BANK1: variants seen among roughly 807,000 people sequenced by gnomAD.
The protein encoded by BANK1 is B cell scaffold protein with ankyrin repeats 1.
In BANK1, 95 loss-of-function variants were observed where a neutral mutation model predicts 94.5. That is an observed-to-expected ratio of 1.00 (90% CI 0.85 to 1.19). The LOEUF (loss-of-function observed/expected upper bound fraction) is 1.19, where lower values mean the gene tolerates loss of function less well. Ranked by LOEUF, BANK1 falls within the 50% of genes most tolerant of loss-of-function variation. The probability of loss-of-function intolerance (pLI) is 0.00; values close to 1 mark genes in which losing one functional copy is unlikely to be tolerated. For synonymous variants in BANK1, 334 were observed against 308.4 expected (o/e 1.08, Z -0.87); for missense variants, 987 against 932.2 (o/e 1.06, Z -0.77).
intron 5 of BANK1, among the ~76,000 whole-genome samples, chr4:101,886,761 TG>T (rs11452529): frequency 0.46 from 62,524 of 134,908 alleles, 14,103 homozygotes; most frequent in African/African-American, 0.56. Context: ...AACAATATAT[TG>T]GGGGGGGGGG....
At chr4:101,974,848 T>G (rs988104279) in intron 7 of BANK1, among the ~76,000 whole-genome samples, 7 of 151,622 alleles carry the variant, frequency 4.6e-5, no homozygotes, top group African/African-American at 1.5e-4. Context: ...TCCCAGCTAC[T>G]CGGGAGGCTG....
At chr4:101,940,816 C>T (rs372233942) in intron 7 of BANK1, among the ~76,000 whole-genome samples, 9 of 151,850 alleles carry the variant, frequency 5.9e-5, no homozygotes, top group Admixed American at 1.3e-4. Flanking sequence ...GGATGTTTCC[C>T]TCGATCACCT....
chr4:101,866,033 T>C (rs1261259831), intron 4 of BANK1, among the ~76,000 whole-genome samples: 1 of 152,034 alleles, frequency 6.6e-6, no homozygotes, highest in East Asian at 1.9e-4. Context: ...TTGCAAGGCA[T>C]TCCTAAAGAC....
At chr4:101,960,634 T>C (rs1724533359) in intron 7 of BANK1, among the ~76,000 whole-genome samples, 1 of 152,096 alleles carries the variant, frequency 6.6e-6, no homozygotes, top group Non-Finnish European at 1.5e-5. Flanking sequence ...AACATGGAGA[T>C]GGTTAGTGGC....
At chr4:101,836,341 A>G (rs1052202519) in intron 2 of BANK1, among the ~76,000 whole-genome samples, 3 of 152,064 alleles carry the variant, frequency 2.0e-5, no homozygotes, top group East Asian at 3.9e-4. Context: ...TTAGCTGGGC[A>G]TGGTGGTGCA....
Position 101,876,955 on chromosome 4 carries a change from A to T in BANK1, c.903+6311A>T, listed in dbSNP as rs191645257. On this transcript the variant is annotated intron_variant, in intron 5 of 16. Transcript: ENST00000322953. Reference sequence around the variant, plus strand: ...AATAGCAGAATTGGTCATGCAGAAGAAAGAACTAGTGAGCTTGAAGACAGG... The same window carrying T: ...AATAGCAGAATTGGTCATGCAGAAGTAAGAACTAGTGAGCTTGAAGACAGG... Among the ~76,000 whole-genome samples the T allele has an allele frequency of 6.5e-3, 991 of 152,212 alleles. 11 individuals are homozygous for T. Among genetic ancestry groups the T allele is most frequent in the African/African-American group, 0.023 (953 of 41,534 alleles).
chr4:102,045,707 A>G (rs1278162050), intron 11 of BANK1, among the ~76,000 whole-genome samples: 2 of 151,642 alleles, frequency 1.3e-5, no homozygotes, highest in Non-Finnish European at 2.9e-5. Flanking sequence ...TTCAAAGAGA[A>G]TAAAATACCT....
At chr4:101,997,357 C>T (rs1303406354) in intron 7 of BANK1, among the ~76,000 whole-genome samples, 1 of 152,034 alleles carries the variant, frequency 6.6e-6, no homozygotes, top group African/African-American at 2.4e-5. Context: ...AATTATTGCA[C>T]TGATGTTCAT....
At chr4:101,804,879 T>C (rs977460864) in intron 1 of BANK1, among the ~76,000 whole-genome samples, 12 of 152,206 alleles carry the variant, frequency 7.9e-5, no homozygotes, top group African/African-American at 2.9e-4. Flanking sequence ...TTTCAACTGC[T>C]CAGGGGTCAT....
At chr4:101,873,440 C>G (rs1728371271) in intron 5 of BANK1, among the ~76,000 whole-genome samples, 1 of 152,022 alleles carries the variant, frequency 6.6e-6, no homozygotes, top group South Asian at 2.1e-4. Context: ...GAAAGAATTA[C>G]TAATGAGAAA....
At chr4:102,023,790 C>T (rs1726990390) in intron 8 of BANK1, among the ~76,000 whole-genome samples, 2 of 152,168 alleles carry the variant, frequency 1.3e-5, no homozygotes, top group Admixed American at 1.3e-4. Flanking sequence ...TTTCCTATAG[C>T]GTGAATGTAA....
intron 7 of BANK1, among the ~76,000 whole-genome samples, chr4:101,944,765 AAATATTGGACAATGTGCTG>A (rs1645557901): frequency 6.6e-6 from 1 of 151,948 alleles, no homozygotes; most frequent in South Asian, 2.1e-4. Flanking sequence ...CAGCCTTTTT[AAATATTGGACAATGTGCTG>A]AAGAGCTGAA....
At chr4:102,008,445 T>G (rs1343200841) in intron 7 of BANK1, among the ~76,000 whole-genome samples, 1 of 152,252 alleles carries the variant, frequency 6.6e-6, no homozygotes, top group East Asian at 1.9e-4. Context: ...TGCTGCTAGC[T>G]GCATAGCACA....
rs181557619 is a variant in BANK1 at position 101,975,532 on chromosome 4, C to T, written c.1207-45982C>T. Among the ~76,000 whole-genome samples, 4 of 152,234 alleles carry T rather than the reference C, an allele frequency of 2.6e-5. No individual in the cohort carries two copies. In the East Asian group the frequency reaches 5.8e-4, roughly 22 times the overall value. On this transcript the variant is annotated intron_variant, in intron 7 of 16. Transcript: ENST00000322953. ...GCTCTGCCTCTTTCTAGTTATTTGT[C>T]CAGAGACAGTTCTCTCTGTGTCTGT... is the stretch of plus-strand genomic sequence containing the variant.
In BANK1 at chr4:101,918,110, A is replaced by G. The variant is rs1722886357; in HGVS notation, c.1127A>G (p.Asn376Ser). The change falls in exon 7 of 17, where the codon AAT (asparagine) becomes AGT (serine). Residue 376 changes from asparagine to serine, a missense_variant. Transcript: ENST00000322953. ...SGATWASKMKNMEGSDPAHIA... is the reference protein window; with the variant it reads ...SGATWASKMKSMEGSDPAHIA... Reference sequence around the variant, plus strand: ...GCAACCTGGGCATCTAAGATGAAAAATATGGAGGGTTCAGACCCCGCACAT... The same window carrying G: ...GCAACCTGGGCATCTAAGATGAAAAGTATGGAGGGTTCAGACCCCGCACAT... 1 of 1,612,404 alleles carries G rather than the reference A, an allele frequency of 6.2e-7. No individual in the cohort carries two copies.
At chr4:101,995,010 G>T (rs1725829480) in intron 7 of BANK1, among the ~76,000 whole-genome samples, 1 of 151,962 alleles carries the variant, frequency 6.6e-6, no homozygotes, top group South Asian at 2.1e-4. Flanking sequence ...CCAGTTTGTT[G>T]CATAGGTATA....
chr4:101,835,777 C>G (rs1726800591), intron 2 of BANK1, among the ~76,000 whole-genome samples: 1 of 152,148 alleles, frequency 6.6e-6, no homozygotes, highest in Admixed American at 6.5e-5. Context: ...CATGGTCTTT[C>G]AGCTCTTTGA....
intron 1 of BANK1, among the ~76,000 whole-genome samples, chr4:101,817,839 T>C (rs1369997736): frequency 6.6e-6 from 1 of 152,056 alleles, no homozygotes; most frequent in African/African-American, 2.4e-5. Flanking sequence ...GATTTTTTTT[T>C]TTTGCAATTT....
intron 1 of BANK1, among the ~76,000 whole-genome samples, chr4:101,811,121 G>A (rs1725718823): frequency 6.6e-6 from 1 of 152,130 alleles, no homozygotes; most frequent in Non-Finnish European, 1.5e-5. Flanking sequence ...AATGTTTTGT[G>A]AAACTTCTAT....
Sources: gnomAD v4.1 joint callset for allele counts (sites outside exome capture counted in the v4.1 genomes callset) on GRCh38, gnomAD v4.1.1 for gene constraint, MANE v1.5 for transcripts, NCBI Gene and HGNC (gene_info 2026-07-23, HGNC 2026-07-21) for gene names.